The following KAZN variants were observed in gnomAD, a reference collection of about 807,000 sequenced individuals.
The protein encoded by KAZN is kazrin.
KAZN carries 40 observed loss-of-function variants against 87.4 expected under a neutral mutation model. That is an observed-to-expected ratio of 0.46 (90% CI 0.36 to 0.60). The LOEUF (loss-of-function observed/expected upper bound fraction) is 0.60, where lower values mean the gene tolerates loss of function less well. Among genes scored for constraint, KAZN ranks in the 20% least tolerant of loss-of-function variants. The pLI is 0.00. For synonymous variants in KAZN, 466 were observed against 458.3 expected (o/e 1.02, Z -0.22); for missense variants, 898 against 1,073.9 (o/e 0.84, Z 2.29).
At position 14,567,429 on chromosome 1, in the gene KAZN, C is replaced by T. The variant is rs199544810; in HGVS notation, c.250-31554C>T. 3.3e-5 allele frequency among the ~76,000 whole-genome samples: 5 copies of T among 152,118 alleles called. No homozygotes were observed. The East Asian group carries it at 9.6e-4, about 29-fold the overall frequency. ...AAAAAGTTTGAAGTATTGCAAAAAT[C>T]ACCACAATGTGATACAGAGACACAA... On this transcript the variant is annotated intron_variant, in intron 2 of 16. Transcript: ENST00000636203.
intron 1 of KAZN, among the ~76,000 whole-genome samples, chr1:14,622,551 C>T (rs1044987106): frequency 2.6e-5 from 4 of 151,908 alleles, no homozygotes; most frequent in Middle Eastern, 6.8e-3. Context: ...ATTAGCCGGG[C>T]GTGGTGGCGG....
intron 8 of KAZN, among the ~76,000 whole-genome samples, chr1:15,090,719 T>C (rs1281286287): frequency 6.6e-6 from 1 of 152,216 alleles, no homozygotes; most frequent in Non-Finnish European, 1.5e-5. Flanking sequence ...GTGATAATGT[T>C]GGCAGTGACC....
chr1:14,106,232 A>G (rs1209877334), intron 1 of KAZN, among the ~76,000 whole-genome samples: 2 of 152,204 alleles, frequency 1.3e-5, no homozygotes, highest in African/African-American at 4.8e-5. Context: ...ACAGAACCCA[A>G]CACAGCTCTG....
At chr1:14,438,961 A>C (rs1666549999) in intron 2 of KAZN, among the ~76,000 whole-genome samples, 1 of 151,992 alleles carries the variant, frequency 6.6e-6, no homozygotes, top group African/African-American at 2.4e-5. Flanking sequence ...TAGCAAATTC[A>C]CCCAGTCTTG....
chr1:14,132,146 G>A (rs907620874), intron 1 of KAZN, among the ~76,000 whole-genome samples: 7 of 152,164 alleles, frequency 4.6e-5, no homozygotes, highest in South Asian at 4.1e-4. Context: ...CAGAAATTGT[G>A]TAGAATGCCC....
At chr1:14,036,705 T>A (rs1641573650) in intron 1 of KAZN, among the ~76,000 whole-genome samples, 1 of 152,098 alleles carries the variant, frequency 6.6e-6, no homozygotes, top group Admixed American at 6.5e-5. Flanking sequence ...AACAGGTATT[T>A]AAATCACCTA....
intron 1 of KAZN, among the ~76,000 whole-genome samples, chr1:14,616,225 A>G (rs1213711719): frequency 6.6e-6 from 1 of 152,110 alleles, no homozygotes; most frequent in African/African-American, 2.4e-5. Flanking sequence ...GGGCTAGAAC[A>G]AGACCTCTGG....
At chr1:15,091,406 A>G (rs1406681969) in intron 8 of KAZN, among the ~76,000 whole-genome samples, 1 of 152,168 alleles carries the variant, frequency 6.6e-6, no homozygotes, top group Non-Finnish European at 1.5e-5. Context: ...GTGCAGTGGC[A>G]CAATCTCGAC....
At chr1:14,377,045 C>T (rs1660967426) in intron 2 of KAZN, among the ~76,000 whole-genome samples, 1 of 138,534 alleles carries the variant, frequency 7.2e-6, no homozygotes. Flanking sequence ...TGTCTTCCTG[C>T]ATAATAACTA....
chr1:14,108,310 T>A (rs1286565230), intron 1 of KAZN, among the ~76,000 whole-genome samples: 1 of 152,140 alleles, frequency 6.6e-6, no homozygotes, highest in East Asian at 1.9e-4. Context: ...TCACAGCCCG[T>A]ACTATAGAAG....
At chr1:15,103,003 G>A (rs970223204) in intron 11 of KAZN, among the ~76,000 whole-genome samples, 6 of 152,242 alleles carry the variant, frequency 3.9e-5, no homozygotes, top group Admixed American at 2.0e-4. Context: ...GCTCACGCCT[G>A]TAATCCCAGC....
chr1:14,472,042 A>G (rs1388295766), intron 2 of KAZN, among the ~76,000 whole-genome samples: 1 of 152,276 alleles, frequency 6.6e-6, no homozygotes, highest in South Asian at 2.1e-4. Flanking sequence ...GTGTCTGGTG[A>G]GGGCTCACGT....
chr1:14,503,328 C>CA (rs1189018132), intron 2 of KAZN, among the ~76,000 whole-genome samples: 1 of 151,214 alleles, frequency 6.6e-6, no homozygotes, highest in Non-Finnish European at 1.5e-5. Context: ...ACTAAAAATA[C>CA]AAAAAATTAG....
rs548925908 is a variant in KAZN at position 15,102,138 on chromosome 1, T to C, written c.1779+364T>C. On this transcript the variant is annotated intron_variant, in intron 11 of 14. Transcript: ENST00000376030. ...CTGGTGGTGCCAATATTGTGGGAGA[T>C]TGTCCCAGTGAGGGAAGCCCAGGGT... Among the ~76,000 whole-genome samples, 18 of 152,162 alleles carry C rather than the reference T, an allele frequency of 1.2e-4. No individual in the cohort carries two copies. The East Asian group carries it at 3.5e-3, about 29-fold the overall frequency.
intron 1 of KAZN, among the ~76,000 whole-genome samples, chr1:14,054,396 A>G (rs1222233332): frequency 3.3e-5 from 5 of 152,208 alleles, no homozygotes; most frequent in African/African-American, 9.6e-5. Flanking sequence ...GAACCTCCCT[A>G]CCCTGTAGGC....
chr1:14,434,717 C>T (rs114230108), intron 2 of KAZN, among the ~76,000 whole-genome samples: 2,028 of 152,200 alleles, frequency 0.013, 19 homozygotes, highest in South Asian at 0.04. Flanking sequence ...CAGGGTGCAG[C>T]TCAGGCATGA....
chr1:14,053,501 A>G (rs541592138), intron 1 of KAZN, among the ~76,000 whole-genome samples: 10 of 152,288 alleles, frequency 6.6e-5, no homozygotes, highest in African/African-American at 2.4e-4. Flanking sequence ...GTAGAGAACT[A>G]AGGCAGTTGG....
intron 1 of KAZN, among the ~76,000 whole-genome samples, chr1:14,700,773 GTC>G (rs1641878772): frequency 6.6e-6 from 1 of 152,144 alleles, no homozygotes; most frequent in African/African-American, 2.4e-5. Context: ...CAGCTGTGCA[GTC>G]TCTATTTTAA....
chr1:14,341,032 C>T (rs1657680547), intron 2 of KAZN, among the ~76,000 whole-genome samples: 2 of 151,314 alleles, frequency 1.3e-5, no homozygotes, highest in South Asian at 4.2e-4. Context: ...GGATTACAGG[C>T]ATGCGCCACC....
Sources: gnomAD v4.1 joint callset for allele counts (sites outside exome capture counted in the v4.1 genomes callset) on GRCh38, gnomAD v4.1.1 for gene constraint, MANE v1.5 for transcripts, NCBI Gene and HGNC (gene_info 2026-07-23, HGNC 2026-07-21) for gene names.